LCOR: variants seen among roughly 807,000 people sequenced by gnomAD.
LCOR encodes the protein ligand-dependent corepressor.
LCOR carries 14 observed loss-of-function variants against 64.4 expected under a neutral mutation model. The observed-to-expected ratio is 0.22, with a 90% CI of 0.14 to 0.34. The LOEUF (loss-of-function observed/expected upper bound fraction) is 0.34. LCOR is among the 10% of genes least tolerant of loss of function. The probability of loss-of-function intolerance (pLI) is 1.00; values close to 1 mark genes in which losing one functional copy is unlikely to be tolerated. For synonymous variants in LCOR, 643 were observed against 642.5 expected (o/e 1.00, Z -0.01); for missense variants, 1,686 against 1,765.3 (o/e 0.96, Z 0.80).
At chr10:96,874,319 A>C (rs898225288) in intron 2 of LCOR, among the ~76,000 whole-genome samples, 1 of 152,150 alleles carries the variant, frequency 6.6e-6, no homozygotes, top group African/African-American at 2.4e-5. Context: ...CTATATTGCC[A>C]GTGTAGTTTT....
chr10:96,979,850 TGTTAA>T (rs2134561236), intron 7 of LCOR, among the ~76,000 whole-genome samples: 1 of 152,334 alleles, frequency 6.6e-6, no homozygotes, highest in South Asian at 2.1e-4. Context: ...ATCTTAAAAC[TGTTAA>T]GTTCTCAGCC....
At chr10:96,849,132 G>A (rs1355595706) in intron 2 of LCOR, among the ~76,000 whole-genome samples, 1 of 137,198 alleles carries the variant, frequency 7.3e-6, no homozygotes, top group African/African-American at 2.9e-5. Context: ...GGAGTGCAGT[G>A]GCACAATCTC....
intron 4 of LCOR, among the ~76,000 whole-genome samples, chr10:96,933,807 C>T (rs926625121): frequency 2.6e-5 from 4 of 152,100 alleles, no homozygotes; most frequent in Admixed American, 6.5e-5. Flanking sequence ...CATGAGTCAC[C>T]GTGCCTGGCC....
chr10:96,923,998 G>A (rs1328739787), intron 4 of LCOR, among the ~76,000 whole-genome samples: 1 of 152,116 alleles, frequency 6.6e-6, no homozygotes, highest in African/African-American at 2.4e-5. Context: ...TCTTCACCAG[G>A]TTCTCGAGAT....
rs949176427 is a variant in LCOR, at chr10:96,981,834, A to G, written c.1374A>G (p.Ala458=). 2.5e-6 allele frequency: 4 copies of G among 1,614,252 alleles called. No individual in the cohort carries two copies. Among genetic ancestry groups the G allele is most frequent in the South Asian group, 1.1e-5 (1 of 91,088 alleles). Residue 458 remains alanine (A), a synonymous_variant, in exon 8 of 8, where the codon GCA becomes GCG. Coordinates refer to ENST00000421806, the MANE Select transcript of LCOR (RefSeq NM_001346516.2). ...AGACAGCTCGGAAAAGTAAAAGGGC[A>G]TCAGGGCTGAGGATAAATGATTATG... ...SIKTARKSKR[A]SGLRINDYDN...
At chr10:96,911,984 TAC>T (rs67896223) in intron 4 of LCOR, among the ~76,000 whole-genome samples, 9,862 of 152,110 alleles carry the variant, frequency 0.065, 429 homozygotes, top group Non-Finnish European at 0.087. Flanking sequence ...CAGGCTGCAG[TAC>T]AGAGGCATGA....
chr10:96,841,446 C>A (rs1845539888), intron 2 of LCOR, among the ~76,000 whole-genome samples: 1 of 151,318 alleles, frequency 6.6e-6, no homozygotes, highest in African/African-American at 2.4e-5. Flanking sequence ...CTGCAACCTC[C>A]ATCTCCCAGG....
chr10:96,857,691 G>A (rs1014712106), intron 2 of LCOR, among the ~76,000 whole-genome samples: 7 of 152,078 alleles, frequency 4.6e-5, no homozygotes, highest in Admixed American at 2.0e-4. Context: ...AGTATCGATC[G>A]CTTGAACAAA....
At chr10:96,957,874 C>T (rs1235109781) in intron 7 of LCOR, 1 of 986,124 alleles carries the variant, frequency 1.0e-6, no homozygotes. Flanking sequence ...CCTGTTTCCT[C>T]TTAGCTTTCT....
chr10:96,899,502 T>C (rs1312257916), intron 2 of LCOR, among the ~76,000 whole-genome samples: 1 of 152,146 alleles, frequency 6.6e-6, no homozygotes, highest in East Asian at 1.9e-4. Flanking sequence ...ATGTTCACTT[T>C]ATTTAAATTT....
In LCOR at chr10:96,985,970, G is replaced by GC. The variant is rs1185492893; in HGVS notation, c.*838dup. 1 of 166,942 alleles carries GC rather than the reference G, an allele frequency of 6.0e-6. No homozygotes were observed. The highest frequency in any genetic ancestry group is 1.9e-4 in the East Asian group (1 of 5,204). The allele number at this position is 166,942 out of a possible 1,614,324, so 10.3% of individuals were successfully genotyped here. A position where few individuals can be genotyped will look rare whatever the true frequency, so the allele number is the denominator to read the frequency against. On this transcript the variant is annotated 3_prime_UTR_variant, in exon 8 of 8. Transcript: ENST00000421806. The stretch of plus-strand genomic sequence containing the variant: ...TTCCATCCTACTTCGGGAGGAAAAA[G>GC]CCTAGGATTTTTTTTTTCCATCTTG...
intron 7 of LCOR, chr10:96,955,137 G>A: frequency 6.2e-7 from 1 of 1,614,182 alleles, no homozygotes; most frequent in South Asian, 1.1e-5. Flanking sequence ...GTCCACAGCT[G>A]CCAGCCTTGG....
chr10:96,850,791 G>A (rs1485173737), intron 2 of LCOR, among the ~76,000 whole-genome samples: 1 of 152,204 alleles, frequency 6.6e-6, no homozygotes, highest in African/African-American at 2.4e-5. Flanking sequence ...TGCTGATCAT[G>A]GAGCAGCAGA....
Position 96,984,346 on chromosome 10 carries a change from C to T in LCOR, c.3886C>T (p.His1296Tyr), listed in dbSNP as rs138976357. ...GGAAGTCAAGGAAGATAGAAACAGT[C>T]ATCCTCCAGCAAACCTGCCCACTCC... is the stretch of plus-strand genomic sequence containing the variant. ...IEEVKEDRNS[H>Y]PPANLPTPAS... The change falls in exon 8 of 8, where the codon CAT (histidine) becomes TAT (tyrosine). Residue 1296 changes from histidine (H) to tyrosine (Y), a missense_variant. Around this residue, in one of 3 missense-constraint regions of LCOR, gnomAD observed 1,293 missense variants for 1,410.4 expected, o/e 0.92. Coordinates refer to ENST00000421806, the MANE Select transcript of LCOR (RefSeq NM_001346516.2). 1.5e-5 allele frequency: 24 copies of T among 1,613,986 alleles called. No individual in the cohort carries two copies. In the African/African-American group the frequency reaches 2.9e-4, roughly 20 times the overall value.
intron 2 of LCOR, among the ~76,000 whole-genome samples, chr10:96,892,952 A>G (rs1447421123): frequency 6.6e-6 from 1 of 151,974 alleles, no homozygotes; most frequent in African/African-American, 2.4e-5. Context: ...AAGGAGGAAC[A>G]TTTCCCATTT....
Position 96,947,504 on chromosome 10 carries a change from C to T in LCOR, c.-50-1504C>T, listed in dbSNP as rs115083534. On this transcript the variant is annotated intron_variant, in intron 5 of 7. Transcript: ENST00000421806. Reference sequence around the variant, plus strand: ...CTTTATAAATTAAACTCTTAAGTTCCTTACAGCCCCAAAATACTGTGGGTA... The same window carrying T: ...CTTTATAAATTAAACTCTTAAGTTCTTTACAGCCCCAAAATACTGTGGGTA... Among the ~76,000 whole-genome samples, 502 of 152,140 alleles carry T rather than the reference C, an allele frequency of 3.3e-3. 3 individuals are homozygous for T. Among genetic ancestry groups the T allele is most frequent in the African/African-American group, 0.012 (483 of 41,540 alleles).
At chr10:96,952,297 G>T (rs1847695335) in intron 7 of LCOR, 101 bp downstream of exon 7, 1 of 741,920 alleles carries the variant, frequency 1.3e-6, no homozygotes, top group Non-Finnish European at 2.3e-6. Flanking sequence ...ACCCTTCTAA[G>T]TAAGTCATTT....
intron 4 of LCOR, among the ~76,000 whole-genome samples, chr10:96,924,175 T>C (rs1847127603): frequency 1.3e-5 from 2 of 152,076 alleles, no homozygotes; most frequent in African/African-American, 4.8e-5. Flanking sequence ...GAAACTGGCT[T>C]GTGGGAGAAA....
At chr10:96,837,551 G>A (rs1225260600) in intron 2 of LCOR, among the ~76,000 whole-genome samples, 4 of 152,134 alleles carry the variant, frequency 2.6e-5, no homozygotes, top group African/African-American at 7.2e-5. Context: ...CACCGTGCCC[G>A]GCCGACAGAT....
Sources: allele counts gnomAD v4.1 joint callset (sites outside exome capture counted in the v4.1 genomes callset), GRCh38; gene constraint gnomAD v4.1.1; regional missense constraint gnomAD v4.1.1; transcripts MANE v1.5; gene names NCBI Gene and HGNC (gene_info 2026-07-23, HGNC 2026-07-21).